Variants in EPB41L4A observed in about 807,000 individuals in gnomAD.
The protein encoded by EPB41L4A is erythrocyte membrane protein band 4.1 like 4A.
EPB41L4A carries 100 observed loss-of-function variants against 108.6 expected under a neutral mutation model. The observed-to-expected ratio is 0.92, with a 90% CI of 0.78 to 1.09. EPB41L4A has a LOEUF of 1.09. EPB41L4A is among the 50% of genes least tolerant of loss of function. The probability of loss-of-function intolerance (pLI) is 0.00; values close to 1 mark genes in which losing one functional copy is unlikely to be tolerated. For missense variants in EPB41L4A, 1,030 were observed against 842.7 expected (o/e 1.22, Z -2.75); for synonymous variants, 319 against 289.0 (o/e 1.10, Z -1.05).
chr5:112,305,540 ATTTGT>A (rs1057341116), intron 2 of EPB41L4A, among the ~76,000 whole-genome samples: 5 of 152,104 alleles, frequency 3.3e-5, no homozygotes, highest in African/African-American at 1.2e-4. Context: ...TTAAATCCTT[ATTTGT>A]TTTAAGTAAC....
At chr5:112,243,521 T>A (rs1182489704) in intron 9 of EPB41L4A, among the ~76,000 whole-genome samples, 1 of 152,168 alleles carries the variant, frequency 6.6e-6, no homozygotes, top group Non-Finnish European at 1.5e-5. Context: ...CATTGACTTC[T>A]CGTTATAGCT....
rs149287394 is a variant in EPB41L4A, at chr5:112,151,450, C to G, written n.995-5452G>C. 1.9e-3 allele frequency among the ~76,000 whole-genome samples: 290 copies of G among 151,222 alleles called. 1 individual carries two copies. The highest frequency in any genetic ancestry group is 6.5e-3 in the African/African-American group (267 of 41,310). ...TGAGACAGAGTCCTGTTCTGTCGCC[C>G]CGACTGGAGTGCAGTGGTGCAATCT... On this transcript the variant is annotated intron_variant and non_coding_transcript_variant, in intron 12 of 13. Transcript: ENST00000507810.
chr5:112,268,842 C>CAAAAAAAAAAAAA (rs34983995), intron 4 of EPB41L4A, among the ~76,000 whole-genome samples: 1 of 55,916 alleles, frequency 1.8e-5, no homozygotes, highest in African/African-American at 7.4e-5. Flanking sequence ...GACCTTCTCT[C>CAAAAAAAAAAAAA]AAAAAAAAAA....
intron 12 of EPB41L4A, among the ~76,000 whole-genome samples, chr5:112,229,336 T>C (rs929424608): frequency 7.2e-5 from 11 of 152,236 alleles, no homozygotes; most frequent in African/African-American, 2.7e-4. Context: ...ATATTCATTA[T>C]CTGGCCCTTC....
chr5:112,206,365 A>T (rs931725845), intron 13 of EPB41L4A, among the ~76,000 whole-genome samples: 3 of 133,062 alleles, frequency 2.3e-5, no homozygotes, highest in Admixed American at 7.4e-5. Flanking sequence ...ACGAGGTATT[A>T]AAAAAAAAAA....
chr5:112,253,849 T>G (rs887857578), intron 9 of EPB41L4A, among the ~76,000 whole-genome samples: 3 of 152,200 alleles, frequency 2.0e-5, no homozygotes, highest in Non-Finnish European at 4.4e-5. Context: ...TGTTTTCAAA[T>G]AAAAATACTT....
intron 2 of EPB41L4A, among the ~76,000 whole-genome samples, chr5:112,299,481 C>G (rs1754216126): frequency 6.6e-6 from 1 of 152,102 alleles, no homozygotes; most frequent in African/African-American, 2.4e-5. Context: ...GTTCCATGCA[C>G]TGATGAATAA....
At chr5:112,402,161 T>A (rs987703977) in intron 1 of EPB41L4A, among the ~76,000 whole-genome samples, 3 of 152,146 alleles carry the variant, frequency 2.0e-5, no homozygotes, top group Non-Finnish European at 4.4e-5. Context: ...GTTCTCATGA[T>A]AGTGAGTGAG....
Position 112,388,296 on chromosome 5 carries a change from T to C in EPB41L4A, c.99+30645A>G, listed in dbSNP as rs114124340. Among the ~76,000 whole-genome samples the C allele has an allele frequency of 6.9e-3, 1,053 of 152,256 alleles. 21 individuals carry two copies. The highest frequency in any genetic ancestry group is 0.024 in the African/African-American group (1,005 of 41,542). ...TGCCAGCCAGAGTCAGCCTTAAATA[T>C]ACAGAGCTTTAAAGGAAGTGCGGTG... On this transcript the variant is annotated intron_variant, in intron 1 of 22. Transcript: ENST00000261486.
At chr5:112,194,416 TA>T in intron 17 of EPB41L4A, 151 bp downstream of exon 17, 1 of 519,638 alleles carries the variant, frequency 1.9e-6, no homozygotes, top group East Asian at 3.3e-5. Context: ...CTCAAAGAGC[TA>T]AAGTTTCCTA....
chr5:112,240,606 A>C, intron 10 of EPB41L4A, 113 bp downstream of exon 10: 1 of 613,378 alleles, frequency 1.6e-6, no homozygotes. Flanking sequence ...AATTGAGAAA[A>C]TTAATAAAAG....
At chr5:112,174,572 C>A (rs1363425342) in intron 18 of EPB41L4A, among the ~76,000 whole-genome samples, 1 of 152,080 alleles carries the variant, frequency 6.6e-6, no homozygotes, top group African/African-American at 2.4e-5. Context: ...AATCACTTTC[C>A]CTTATTCCAA....
chr5:112,245,813 C>T (rs996512581), intron 9 of EPB41L4A, among the ~76,000 whole-genome samples: 7 of 152,148 alleles, frequency 4.6e-5, no homozygotes, highest in Non-Finnish European at 8.8e-5. Context: ...AAGGTGGAAT[C>T]ACTGCAAAGA....
chr5:112,234,195 T>C (rs201479449), intron 12 of EPB41L4A, among the ~76,000 whole-genome samples: 1 of 111,262 alleles, frequency 9.0e-6, no homozygotes, highest in Non-Finnish European at 2.2e-5. Flanking sequence ...TAAAATAAAA[T>C]AAAATAAAAT....
intron 4 of EPB41L4A, among the ~76,000 whole-genome samples, chr5:112,267,357 T>G (rs1240453346): frequency 6.6e-6 from 1 of 152,190 alleles, no homozygotes; most frequent in Non-Finnish European, 1.5e-5. Flanking sequence ...CTTCTCCAAA[T>G]GCACACAACC....
rs142854259 is a variant in EPB41L4A, at chr5:112,258,593, G to T, written c.795+636C>A. On this transcript the variant is annotated intron_variant, in intron 9 of 22. Transcript: ENST00000261486. The stretch of plus-strand genomic sequence containing the variant: ...CATTATTTTCACAGGTAGATCAAAA[G>T]GAAGCTTTCACATCCTTGCCTTCTT... 2.2e-3 allele frequency among the ~76,000 whole-genome samples: 340 copies of T among 152,222 alleles called. 1 individual carries two copies. The highest frequency in any genetic ancestry group is 6.8e-3 in the Middle Eastern group (2 of 294).
At chr5:112,412,087 A>G (rs1762444326) in intron 1 of EPB41L4A, among the ~76,000 whole-genome samples, 1 of 152,158 alleles carries the variant, frequency 6.6e-6, no homozygotes, top group African/African-American at 2.4e-5. Flanking sequence ...GTTCCTAAAC[A>G]ATACACTGCA....
intron 2 of EPB41L4A, among the ~76,000 whole-genome samples, chr5:112,303,338 G>GA (rs1754490464): frequency 6.6e-6 from 1 of 152,136 alleles, no homozygotes; most frequent in Non-Finnish European, 1.5e-5. Context: ...AGTACTCGGG[G>GA]GCAGGGAAGA....
At chr5:112,359,197 C>T (rs915036649) in intron 1 of EPB41L4A, among the ~76,000 whole-genome samples, 1 of 152,090 alleles carries the variant, frequency 6.6e-6, no homozygotes, top group South Asian at 2.1e-4. Context: ...TAAAACTGTT[C>T]CTGAAAGATA....
Sources: gnomAD v4.1 joint callset for allele counts (sites outside exome capture counted in the v4.1 genomes callset) on GRCh38, gnomAD v4.1.1 for gene constraint, MANE v1.5 for transcripts, NCBI Gene and HGNC (gene_info 2026-07-23, HGNC 2026-07-21) for gene names.